Variants in GPATCH8 observed in about 807,000 individuals in gnomAD.
GPATCH8 encodes the protein G-patch domain containing 8, also known as G patch domain-containing protein 8.
In GPATCH8, 18 loss-of-function variants were observed where a neutral mutation model predicts 118.3. That is an observed-to-expected ratio of 0.15 (90% CI 0.11 to 0.23). The LOEUF (loss-of-function observed/expected upper bound fraction) is 0.23, where lower values mean the gene tolerates loss of function less well. Ranked by LOEUF, GPATCH8 falls within the 10% of genes least tolerant of loss-of-function variation. The pLI is 1.00. For synonymous variants in GPATCH8, 659 were observed against 684.7 expected (o/e 0.96, Z 0.59); for missense variants, 1,631 against 1,873.8 (o/e 0.87, Z 2.39).
chr17:44,400,380 G>A lies in GPATCH8; in HGVS notation c.1697C>T (p.Ser566Leu). 6.2e-7 allele frequency: 1 copy of A among 1,613,586 alleles called. No individual in the cohort carries two copies. Among genetic ancestry groups the A allele is most frequent in the Non-Finnish European group, 8.5e-7 (1 of 1,179,510 alleles). The change falls in exon 8 of 8, where the codon TCA becomes TTA. Residue 566 changes from serine (S) to leucine (L), a missense_variant. By Grantham distance (145) the Ser-to-Leu change is moderately radical. Around this residue, in one of 8 missense-constraint regions of GPATCH8, gnomAD observed 405 missense variants for 462.7 expected, o/e 0.88. Transcript: ENST00000591680. ...LIFTKAEPSI[S>L]YSCNPLYFDF... ...AAAATATAAAGGGTTACAACTGTAT[G>A]AAATGGAGGGTTCTGCCTTGGTGAA...
intron 6 of GPATCH8, among the ~76,000 whole-genome samples, chr17:44,408,481 C>G (rs2049314719): frequency 6.6e-6 from 1 of 152,202 alleles, no homozygotes; most frequent in South Asian, 2.1e-4. Context: ...GCCACTGTGT[C>G]CATATACATT....
At chr17:44,463,365 T>A (rs2051635897) in intron 3 of GPATCH8, among the ~76,000 whole-genome samples, 1 of 152,208 alleles carries the variant, frequency 6.6e-6, no homozygotes, top group African/African-American at 2.4e-5. Flanking sequence ...TGACCAGATG[T>A]AGAGGCACAA....
intron 6 of GPATCH8, among the ~76,000 whole-genome samples, chr17:44,412,975 A>C (rs765260262): frequency 2.6e-5 from 4 of 152,186 alleles, no homozygotes; most frequent in Non-Finnish European, 5.9e-5. Flanking sequence ...TTCATGGATG[A>C]GATCACCCAA....
intron 5 of GPATCH8, among the ~76,000 whole-genome samples, chr17:44,430,929 G>C (rs1251258591): frequency 6.6e-6 from 1 of 151,670 alleles, no homozygotes; most frequent in East Asian, 1.9e-4. Flanking sequence ...GGGATTACAG[G>C]TGTGAGCCAC....
At chr17:44,483,172 AAAAAATATAT>A (rs1480122080) in intron 1 of GPATCH8, among the ~76,000 whole-genome samples, 3 of 19,842 alleles carry the variant, frequency 1.5e-4, no homozygotes, top group Non-Finnish European at 3.5e-4. Context: ...AAAAAAAAAA[AAAAAATATAT>A]ATATATATAT....
chr17:44,499,950 A>G (rs1342678709), intron 1 of GPATCH8, among the ~76,000 whole-genome samples: 11 of 152,194 alleles, frequency 7.2e-5, no homozygotes, highest in South Asian at 2.1e-4. Flanking sequence ...TCTAAACTAA[A>G]ACAGGTAACA....
intron 3 of GPATCH8, among the ~76,000 whole-genome samples, chr17:44,452,962 G>C (rs940735534): frequency 1.3e-5 from 2 of 151,888 alleles, no homozygotes; most frequent in African/African-American, 4.8e-5. Context: ...CAGGTGGCTG[G>C]GACTACAGGC....
chr17:44,420,925 T>G (rs540505421), intron 6 of GPATCH8, among the ~76,000 whole-genome samples: 4 of 152,216 alleles, frequency 2.6e-5, no homozygotes. Context: ...AGTGGTGCCA[T>G]CTTGGCTCAC....
At position 44,395,287 on chromosome 17, in the gene GPATCH8, C is replaced by G. The variant is rs2048740462; in HGVS notation, c.*2281G>C. On this transcript the variant is annotated 3_prime_UTR_variant, in exon 8 of 8. Coordinates refer to ENST00000591680, the MANE Select transcript of GPATCH8 (RefSeq NM_001002909.4). ...TACGACAGACTCTGCTAAGTTTCCA[C>G]AAATCATTGGTTTATTAGAAAGTTC... is the stretch of plus-strand genomic sequence containing the variant. The G allele has an allele frequency of 2.7e-6, 1 of 376,992 alleles. No individual in the cohort carries two copies. The highest frequency in any genetic ancestry group is 7.2e-5 in the East Asian group (1 of 13,934). 23.4% of individuals were successfully genotyped at this position (376,992 alleles called of 1,614,324 possible). A position where few individuals can be genotyped will look rare whatever the true frequency, so the allele number is the denominator to read the frequency against.
At chr17:44,419,479 T>C (rs2049811705) in intron 6 of GPATCH8, among the ~76,000 whole-genome samples, 2 of 152,142 alleles carry the variant, frequency 1.3e-5, no homozygotes, top group South Asian at 4.1e-4. Flanking sequence ...TAAAGATTCC[T>C]TAGAAATTAT....
chr17:44,485,228 C>G (rs929431652), intron 1 of GPATCH8, among the ~76,000 whole-genome samples: 8 of 152,150 alleles, frequency 5.3e-5, no homozygotes, highest in Admixed American at 2.0e-4. Context: ...TTCAGCCCCC[C>G]AAGTGGCTGG....
rs201444190 is a variant in GPATCH8 at position 44,427,836 on chromosome 17, G to A, written c.349-3344C>T. On this transcript the variant is annotated intron_variant, in intron 5 of 7. Coordinates refer to ENST00000591680, the MANE Select transcript of GPATCH8 (RefSeq NM_001002909.4). ...GCTAGCTTTTTATTGCTTATAGTAC[G>A]AAAATAATGGACACTCAAACATGGG... Among the ~76,000 whole-genome samples, 14 of 152,198 alleles carry A rather than the reference G, an allele frequency of 9.2e-5. No individual in the cohort carries two copies. The South Asian group carries it at 1.0e-3, about 11-fold the overall frequency.
At chr17:44,477,643 GAAA>G (rs1967883566) in intron 1 of GPATCH8, among the ~76,000 whole-genome samples, 1 of 141,676 alleles carries the variant, frequency 7.1e-6, no homozygotes, top group African/African-American at 2.7e-5. Flanking sequence ...TCCAAATAAA[GAAA>G]GGGAAAAAAA....
intron 2 of GPATCH8, chr17:44,465,560 A>T (rs1568028866): frequency 1.3e-5 from 2 of 152,234 alleles, no homozygotes; most frequent in African/African-American, 2.4e-5. Context: ...AGAAAAAATG[A>T]TCATATTCAC....
chr17:44,425,689 T>C (rs1261803896), intron 5 of GPATCH8, among the ~76,000 whole-genome samples: 1 of 152,072 alleles, frequency 6.6e-6, no homozygotes, highest in Non-Finnish European at 1.5e-5. Flanking sequence ...CCAGCAAACC[T>C]AGCTAACTTT....
chr17:44,451,373 G>T (rs573115968), intron 3 of GPATCH8, among the ~76,000 whole-genome samples: 2 of 151,996 alleles, frequency 1.3e-5, no homozygotes, highest in African/African-American at 4.8e-5. Flanking sequence ...GATTACAGTC[G>T]TGAGCCACCA....
chr17:44,483,707 T>C (rs1968532857), intron 1 of GPATCH8, among the ~76,000 whole-genome samples: 1 of 152,122 alleles, frequency 6.6e-6, no homozygotes, highest in South Asian at 2.1e-4. Flanking sequence ...TGTGGCACGA[T>C]CTCAACTCAC....
At chr17:44,483,176 A>AAT (rs1163758356) in intron 1 of GPATCH8, among the ~76,000 whole-genome samples, 62 of 12,924 alleles carry the variant, frequency 4.8e-3, no homozygotes, top group Non-Finnish European at 6.1e-3. Flanking sequence ...AAAAAAAAAA[A>AAT]ATATATATAT....
intron 5 of GPATCH8, among the ~76,000 whole-genome samples, chr17:44,434,157 TAATAA>T (rs1383941446): frequency 4.6e-5 from 7 of 150,582 alleles, no homozygotes; most frequent in Admixed American, 4.6e-4. Context: ...TTAATAATAA[TAATAA>T]AATAAATAAA....
Sources: allele counts gnomAD v4.1 joint callset (sites outside exome capture counted in the v4.1 genomes callset), GRCh38; gene constraint gnomAD v4.1.1; regional missense constraint gnomAD v4.1.1; transcripts MANE v1.5; gene names NCBI Gene and HGNC (gene_info 2026-07-23, HGNC 2026-07-21).